LEFTY2: variants seen among roughly 807,000 people sequenced by gnomAD.
LEFTY2 encodes the protein left-right determination factor 2, also known as TGF-beta-4.
LEFTY2 carries 10 observed loss-of-function variants against 26.4 expected under a neutral mutation model. The ratio of observed to expected loss-of-function variants is 0.38; its 90% CI spans 0.23 to 0.64. The LOEUF (loss-of-function observed/expected upper bound fraction) is 0.64. LEFTY2 is among the 30% of genes least tolerant of loss of function. LEFTY2 has a pLI of 0.56. For synonymous variants in LEFTY2, 204 were observed against 234.1 expected (o/e 0.87, Z 1.17); for missense variants, 407 against 502.1 (o/e 0.81, Z 1.81).
At position 225,939,949 on chromosome 1, in the gene LEFTY2, C is replaced by G. The variant is rs573132257; in HGVS notation, c.304G>C (p.Gly102Arg). The G allele has an allele frequency of 2.0e-5, 32 of 1,594,544 alleles. No homozygotes were observed. The highest frequency in any genetic ancestry group is 4.0e-5 in the African/African-American group (3 of 74,978). Residue 102 changes from glycine to arginine, a missense_variant, in exon 2 of 4, where the codon GGC becomes CGC. Coordinates refer to ENST00000366820, the MANE Select transcript of LEFTY2 (RefSeq NM_003240.5). The surrounding 1 kb of genome is among the most constrained non-coding windows in gnomAD (Gnocchi z 4.1). ...TTGGGCGGCAGCCGCTGCTCCATGC[C>G]GAACACCAGCAGGTGTGTGCTGGCC... ...SEASTHLLVF[G>R]MEQRLPPNSE...
rs1439642034 is a variant in LEFTY2 at position 225,937,615 on chromosome 1, T to C, written c.927A>G (p.Pro309=). 8.1e-6 allele frequency: 13 copies of C among 1,614,014 alleles called. 1 individual carries two copies. The South Asian group carries it at 9.9e-5, about 12-fold the overall frequency. Residue 309 remains proline (P), a synonymous_variant, in exon 4 of 4, where the codon CCA becomes CCG. Transcript: ENST00000366820. The part of the protein sequence containing the change: ...QPPEALAFNW[P]FLGPRQCIAS... Reference sequence around the variant, plus strand: ...CGATACACTGTCGCGGCCCCAGAAATGGCCAATTGAAGGCCAGGGCCTCCG... The same window carrying C: ...CGATACACTGTCGCGGCCCCAGAAACGGCCAATTGAAGGCCAGGGCCTCCG...
At position 225,939,856 on chromosome 1, in the gene LEFTY2, G is replaced by A. The variant is rs1672272477; in HGVS notation, c.397C>T (p.His133Tyr). 6.5e-7 allele frequency: 1 copy of A among 1,545,294 alleles called. No individual in the cohort carries two copies. The highest frequency in any genetic ancestry group is 1.4e-5 in the African/African-American group (1 of 74,034). The part of the protein sequence containing the change: ...EPVPKAALHR[H>Y]GRLSPRSAQA... The stretch of plus-strand genomic sequence containing the variant: ...GCGCTGCGCGGGGACAGCCGCCCGT[G>A]CCTGTGCAGCGCGGCCTTGGGGACC... Residue 133 changes from histidine to tyrosine, a missense_variant, in exon 2 of 4, where the codon CAC becomes TAC. His to Tyr is a moderately conservative substitution (Grantham distance 83). Coordinates refer to ENST00000366820, the MANE Select transcript of LEFTY2 (RefSeq NM_003240.5). The surrounding 1 kb of genome is among the most constrained non-coding windows in gnomAD (Gnocchi z 4.1).
chr1:225,937,769 G>C lies in LEFTY2; in HGVS notation c.773C>G (p.Thr258Ser), dbSNP rs143245498. 8.7e-6 allele frequency: 14 copies of C among 1,611,928 alleles called. No homozygotes were observed. Among genetic ancestry groups the C allele is most frequent in the Non-Finnish European group, 1.2e-5 (14 of 1,178,722 alleles). Residue 258 changes from threonine (T) to serine (S), a missense_variant, in exon 4 of 4, where the codon ACC (threonine) becomes AGC (serine). Physicochemically the swap from Thr to Ser is moderately conservative, Grantham distance 58. Transcript: ENST00000366820. ...CTGGCGGCAGCAGCGGGTGCCCTCG[G>C]TCATTGGTGCTTCAGGGTCACAGTC... is the stretch of plus-strand genomic sequence containing the variant. ...QGDCDPEAPM[T>S]EGTRCCRQEM... is the part of the protein sequence containing the mutation.
At chr1:225,940,675 C>G (rs1672297026) in intron 1 of LEFTY2, among the ~76,000 whole-genome samples, 1 of 152,214 alleles carries the variant, frequency 6.6e-6, no homozygotes, top group Non-Finnish European at 1.5e-5. Context: ...CAGGTCTAGC[C>G]TGGTGCACCT....
intron 1 of LEFTY2, among the ~76,000 whole-genome samples, chr1:225,940,264 G>C (rs1400850117): frequency 7.1e-6 from 1 of 140,238 alleles, no homozygotes; most frequent in Admixed American, 8.7e-5. Flanking sequence ...CCAGGTGCCT[G>C]GCACTGGCTC....
rs1558071021 is a variant in LEFTY2 at position 225,940,066 on chromosome 1, G to A, written c.251-64C>T. 5.0e-6 allele frequency: 8 copies of A among 1,592,194 alleles called. No homozygotes were observed. The Middle Eastern group carries it at 6.8e-4, about 135-fold the overall frequency. Reference sequence around the variant, plus strand: ...TCCAGCGGAGCTCTGAGGATGGCAGGGCCACTGAGCTGGCAGCCAGGCCAG... The same window carrying A: ...TCCAGCGGAGCTCTGAGGATGGCAGAGCCACTGAGCTGGCAGCCAGGCCAG... On this transcript the variant is annotated intron_variant, in intron 1 of 3. Transcript: ENST00000366820.
In LEFTY2 at chr1:225,939,873, T is replaced by A; in HGVS notation, c.380A>T (p.Lys127Met). The stretch of plus-strand genomic sequence containing the variant: ...CCGCCCGTGCCTGTGCAGCGCGGCC[T>A]TGGGGACCGGCTCCTGGAAGAGCCG... Reference protein sequence around the residue: ...VLRLFQEPVPKAALHRHGRLS... With the variant: ...VLRLFQEPVPMAALHRHGRLS... The change falls in exon 2 of 4, where the codon AAG becomes ATG. Residue 127 changes from lysine (K) to methionine (M), a missense_variant. Lys to Met is a moderately conservative substitution (Grantham distance 95). Transcript: ENST00000366820. The surrounding 1 kb of genome is among the most constrained non-coding windows in gnomAD (Gnocchi z 4.1). 2 of 1,547,914 alleles carry A rather than the reference T, an allele frequency of 1.3e-6. No homozygotes were observed. Among genetic ancestry groups the A allele is most frequent in the Non-Finnish European group, 1.7e-6 (2 of 1,153,772 alleles).
Position 225,939,452 on chromosome 1 carries a change from G to C in LEFTY2, c.646C>G (p.His216Asp). 1 of 1,610,758 alleles carries C rather than the reference G, an allele frequency of 6.2e-7. No homozygotes were observed. Among genetic ancestry groups the C allele is most frequent in the Admixed American group, 1.7e-5 (1 of 59,670 alleles). The change falls in exon 3 of 4, where the codon CAC becomes GAC. Residue 216 changes from histidine to aspartate, a missense_variant. His to Asp is a moderately conservative substitution (Grantham distance 81). Coordinates refer to ENST00000366820, the MANE Select transcript of LEFTY2 (RefSeq NM_003240.5). The surrounding 1 kb of genome is among the most constrained non-coding windows in gnomAD (Gnocchi z 4.1). ...EHLGPLASGA[H>D]KLVRFASQGA... ...TGCGAGGCAAAGCGGACCAGCTTGT[G>C]GGCGCCGGACGCCAGCGGGCCCAGA...
At chr1:225,940,183 A>T in intron 1 of LEFTY2, 181 bp from the exon 2 acceptor site, 1 of 1,039,600 alleles carries the variant, frequency 9.6e-7, no homozygotes, top group Non-Finnish European at 1.4e-6. Flanking sequence ...TCCATCCAGC[A>T]GGCAGGGGGG....
In LEFTY2 at chr1:225,941,069, C is replaced by G; in HGVS notation, c.72G>C (p.Glu24Asp). ...PLAGPGAALTEEQLLGSLLRQ... is the reference protein window; with the variant it reads ...PLAGPGAALTDEQLLGSLLRQ... ...GCAGCAGGCTGCCCAGGAGCTGCTC[C>G]TCGGTCAGGGCCGCCCCGGGGCCAG... is the stretch of plus-strand genomic sequence containing the variant. The change falls in exon 1 of 4, where the codon GAG (glutamate) becomes GAC (aspartate). Residue 24 changes from glutamate (E) to aspartate (D), a missense_variant. Coordinates refer to ENST00000366820, the MANE Select transcript of LEFTY2 (RefSeq NM_003240.5). 1 of 1,607,280 alleles carries G rather than the reference C, an allele frequency of 6.2e-7. No homozygotes were observed. The highest frequency in any genetic ancestry group is 8.5e-7 in the Non-Finnish European group (1 of 1,177,156).
Position 225,937,403 on chromosome 1 carries a change from C to A in LEFTY2, c.*38G>T, listed in dbSNP as rs199559277. On this transcript the variant is annotated 3_prime_UTR_variant, in exon 4 of 4. Transcript: ENST00000366820. The stretch of plus-strand genomic sequence containing the variant: ...CCTACATTAAGACCACCTCTATGCA[C>A]ACGTTCAGTTAGAGGGCTCAATGGA... 3.7e-6 allele frequency: 6 copies of A among 1,613,380 alleles called. No individual in the cohort carries two copies. In the South Asian group the frequency reaches 6.6e-5, roughly 18 times the overall value.
chr1:225,940,767 G>A (rs1433549225), intron 1 of LEFTY2, 124 bp downstream of exon 1: 148 of 1,444,378 alleles, frequency 1.0e-4, no homozygotes, highest in Non-Finnish European at 1.4e-4. Context: ...TCCTTGGACC[G>A]TGGCCCTCAC....
Position 225,937,331 on chromosome 1 carries a change from G to A in LEFTY2, c.*110C>T. ...AAGGACACAGGGCGAAGGTCACACA[G>A]GAGCACTAAATTGGGATGGAGTAAC... On this transcript the variant is annotated 3_prime_UTR_variant, in exon 4 of 4. Transcript: ENST00000366820. 2.6e-6 allele frequency: 4 copies of A among 1,561,570 alleles called. No homozygotes were observed. Among genetic ancestry groups the A allele is most frequent in the Non-Finnish European group, 3.5e-6 (4 of 1,144,468 alleles).
rs1259807011 is a variant in LEFTY2 at position 225,939,240 on chromosome 1, G to A, written c.737+121C>T. 10 of 1,471,066 alleles carry A rather than the reference G, an allele frequency of 6.8e-6. No homozygotes were observed. The highest frequency in any genetic ancestry group is 9.3e-6 in the Non-Finnish European group (10 of 1,079,970). The allele number at this position is 1,471,066 out of a possible 1,614,324, so 91.1% of individuals were successfully genotyped here. A position where few individuals can be genotyped will look rare whatever the true frequency, so the allele number is the denominator to read the frequency against. ...AATCGCTGGCATCCTGGGACAGTCT[G>A]CACCGCGCTCTCCCTACCCCTAGCC... On this transcript the variant is annotated intron_variant, in intron 3 of 3. Coordinates refer to ENST00000366820, the MANE Select transcript of LEFTY2 (RefSeq NM_003240.5). This position sits in a 1 kb window ranked among gnomAD's most constrained non-coding sequence, Gnocchi z 4.1.
At position 225,939,518 on chromosome 1, in the gene LEFTY2, G is replaced by A; in HGVS notation, c.580C>T (p.Arg194Trp). 2 of 1,610,862 alleles carry A rather than the reference G, an allele frequency of 1.2e-6. No homozygotes were observed. Among genetic ancestry groups the A allele is most frequent in the Non-Finnish European group, 1.7e-6 (2 of 1,179,506 alleles). The change falls in exon 3 of 4, where the codon CGG becomes TGG. Residue 194 changes from arginine to tryptophan, a missense_variant. Arg to Trp is a moderately radical substitution (Grantham distance 101, BLOSUM62 -3). Coordinates refer to ENST00000366820, the MANE Select transcript of LEFTY2 (RefSeq NM_003240.5). The surrounding 1 kb of genome is among the most constrained non-coding windows in gnomAD (Gnocchi z 4.1). Reference sequence around the variant, plus strand: ...GACACCTGTAGCAGCAGCGGCTGCCGGGGCCGGCTCAGCTGCTGCCAGAAG... The same window carrying A: ...GACACCTGTAGCAGCAGCGGCTGCCAGGGCCGGCTCAGCTGCTGCCAGAAG... ...VNFWQQLSRP[R>W]QPLLLQVSVQ...
chr1:225,939,648 G>A lies in LEFTY2; in HGVS notation c.498-48C>T, dbSNP rs1411043528. On this transcript the variant is annotated intron_variant, in intron 2 of 3. Coordinates refer to ENST00000366820, the MANE Select transcript of LEFTY2 (RefSeq NM_003240.5). This position sits in a 1 kb window ranked among gnomAD's most constrained non-coding sequence, Gnocchi z 4.1. ...CGGAGACCCAGCGCCGCTTGAGGGC[G>A]GGGACTGGGACGGGCCCCGAGGACC... 1 of 1,612,212 alleles carries A rather than the reference G, an allele frequency of 6.2e-7. No individual in the cohort carries two copies. Among genetic ancestry groups the A allele is most frequent in the African/African-American group, 1.3e-5 (1 of 75,054 alleles).
intron 3 of LEFTY2, among the ~76,000 whole-genome samples, chr1:225,938,049 C>T (rs1672202867): frequency 6.6e-6 from 1 of 152,228 alleles, no homozygotes; most frequent in South Asian, 2.1e-4. Context: ...TGTATTATCT[C>T]AGGTGATGTC....
Position 225,939,209 on chromosome 1 carries a change from G to A in LEFTY2, c.737+152C>T. The A allele has an allele frequency of 2.4e-6, 3 of 1,242,228 alleles. No homozygotes were observed. The highest frequency in any genetic ancestry group is 2.3e-6 in the Non-Finnish European group (2 of 887,502). The allele number at this position is 1,242,228 out of a possible 1,614,324, so 77.0% of individuals were successfully genotyped here. A position where few individuals can be genotyped will look rare whatever the true frequency, so the allele number is the denominator to read the frequency against. ...CTGCCATTAGAAACCCTGACATGTA[G>A]TGGGCAATCGCTGGCATCCTGGGAC... On this transcript the variant is annotated intron_variant, in intron 3 of 3. Coordinates refer to ENST00000366820, the MANE Select transcript of LEFTY2 (RefSeq NM_003240.5). The surrounding 1 kb of genome is among the most constrained non-coding windows in gnomAD (Gnocchi z 4.1).
Position 225,937,603 on chromosome 1 carries a change from C to A in LEFTY2, c.939G>T (p.Pro313=). Residue 313 remains proline (P), a synonymous_variant, in exon 4 of 4, where the codon CCG becomes CCT. Coordinates refer to ENST00000366820, the MANE Select transcript of LEFTY2 (RefSeq NM_003240.5). ...CAGTCTCCGAGGCGATACACTGTCG[C>A]GGCCCCAGAAATGGCCAATTGAAGG... ...ALAFNWPFLG[P]RQCIASETAS... The A allele has an allele frequency of 1.9e-6, 3 of 1,614,132 alleles. No homozygotes were observed. Among genetic ancestry groups the A allele is most frequent in the Non-Finnish European group, 2.5e-6 (3 of 1,180,042 alleles).
Sources: allele counts gnomAD v4.1 joint callset (sites outside exome capture counted in the v4.1 genomes callset), GRCh38; gene constraint gnomAD v4.1.1; non-coding constraint Gnocchi (gnomAD v3.1); transcripts MANE v1.5; gene names NCBI Gene and HGNC (gene_info 2026-07-23, HGNC 2026-07-21).